Variants in ADK observed in about 807,000 individuals in gnomAD.
ADK encodes adenosine kinase, also known as N6,N6-dimethyladenosine kinase.
Under a neutral mutation model 44.7 loss-of-function variants are expected in ADK, and 24 were observed. The observed-to-expected ratio is 0.54, with a 90% confidence interval of 0.39 to 0.76. The LOEUF (loss-of-function observed/expected upper bound fraction) is 0.76, where lower values mean the gene tolerates loss of function less well. ADK is among the 30% of genes least tolerant of loss of function. ADK has a pLI of 0.00. For missense variants in ADK, 321 were observed against 425.1 expected, an observed-to-expected ratio of 0.76 and a Z score of 2.15; for synonymous variants, 128 against 142.6, an observed-to-expected ratio of 0.90 and a Z score of 0.73.
At chr10:74,393,814 T>C (rs984665212) in intron 4 of ADK, among the ~76,000 whole-genome samples, 2 of 152,178 alleles carry the variant, frequency 1.3e-5, no homozygotes, top group Non-Finnish European at 2.9e-5. Flanking sequence ...CTGCTCTTTT[T>C]ATGACAATGC....
intron 9 of ADK, among the ~76,000 whole-genome samples, chr10:74,662,367 A>G (rs961412276): frequency 3.9e-5 from 6 of 152,098 alleles, no homozygotes; most frequent in African/African-American, 1.4e-4. Flanking sequence ...TGCATCCTCA[A>G]CCACCTGGGC....
intron 4 of ADK, among the ~76,000 whole-genome samples, chr10:74,386,941 GT>G (rs10631417): frequency 9.5e-5 from 14 of 147,416 alleles, no homozygotes; most frequent in Non-Finnish European, 1.5e-4. Flanking sequence ...AGATATTTCA[GT>G]TTTTTTTTTT....
At chr10:74,595,599 A>G (rs1004988925) in intron 8 of ADK, among the ~76,000 whole-genome samples, 3 of 150,926 alleles carry the variant, frequency 2.0e-5, no homozygotes, top group African/African-American at 7.3e-5. Context: ...GATGGTCTCG[A>G]TTTCCTGACC....
chr10:74,425,434 C>A (rs536218510), intron 6 of ADK, among the ~76,000 whole-genome samples: 1 of 151,912 alleles, frequency 6.6e-6, no homozygotes, highest in Admixed American at 6.6e-5. Flanking sequence ...GACTTCGTAT[C>A]GTTAATGTAC....
intron 4 of ADK, among the ~76,000 whole-genome samples, chr10:74,358,202 A>G (rs1842208619): frequency 6.6e-6 from 1 of 152,226 alleles, no homozygotes; most frequent in South Asian, 2.1e-4. Flanking sequence ...AAATTACCTC[A>G]TATCCAAAAA....
chr10:74,625,829 T>A (rs142054424), intron 9 of ADK, among the ~76,000 whole-genome samples: 196 of 152,266 alleles, frequency 1.3e-3, no homozygotes, highest in African/African-American at 4.3e-3. Context: ...AATTCAGTCA[T>A]GGAGAAAGTT....
chr10:74,650,961 A>G (rs1482024316), intron 9 of ADK, among the ~76,000 whole-genome samples: 3 of 152,214 alleles, frequency 2.0e-5, no homozygotes, highest in Non-Finnish European at 4.4e-5. Context: ...TTTGATGGAA[A>G]ACTATTAGTT....
chr10:74,677,088 T>TA lies in ADK; in HGVS notation c.964+6826dup, dbSNP rs1255143738. Among the ~76,000 whole-genome samples the TA allele has an allele frequency of 2.0e-5, 3 of 151,842 alleles. No homozygotes were observed. The East Asian group carries it at 5.8e-4, about 29-fold the overall frequency. On this transcript the variant is annotated intron_variant, in intron 10 of 10. Transcript: ENST00000539909. ...GGCAAAACCCCATTTCTACCAAAAATAAAAAAATTAGCTGGGCATGGTGGC... is the reference window on the plus strand; with the variant it reads ...GGCAAAACCCCATTTCTACCAAAAATAAAAAAAATTAGCTGGGCATGGTGGC...
intron 9 of ADK, among the ~76,000 whole-genome samples, chr10:74,605,592 G>A (rs1303567229): frequency 1.3e-5 from 2 of 152,150 alleles, no homozygotes; most frequent in Non-Finnish European, 2.9e-5. Flanking sequence ...CAGGGATGAA[G>A]CCGACTTGAT....
intron 1 of ADK, among the ~76,000 whole-genome samples, chr10:74,158,602 T>C (rs1407397046): frequency 6.6e-6 from 1 of 152,206 alleles, no homozygotes; most frequent in Non-Finnish European, 1.5e-5. Context: ...CTACAAAATA[T>C]ATAGTGCAGT....
At chr10:74,152,099 AT>A (rs977470280) in intron 1 of ADK, among the ~76,000 whole-genome samples, 4 of 151,740 alleles carry the variant, frequency 2.6e-5, no homozygotes, top group Non-Finnish European at 5.9e-5. Context: ...AAAGGCAGCG[AT>A]TTTTTTTTCC....
intron 3 of ADK, among the ~76,000 whole-genome samples, chr10:74,270,754 A>G (rs1846399677): frequency 6.6e-6 from 1 of 152,242 alleles, no homozygotes; most frequent in African/African-American, 2.4e-5. Flanking sequence ...TCTTTTATTA[A>G]AAGACTAAGA....
intron 3 of ADK, among the ~76,000 whole-genome samples, chr10:74,243,816 C>T (rs939609470): frequency 6.6e-6 from 1 of 152,110 alleles, no homozygotes; most frequent in Non-Finnish European, 1.5e-5. Flanking sequence ...TGAGCCATCA[C>T]GCCACACTGC....
chr10:74,511,730 A>G (rs1848335183), intron 6 of ADK, among the ~76,000 whole-genome samples: 1 of 152,192 alleles, frequency 6.6e-6, no homozygotes, highest in East Asian at 1.9e-4. Context: ...AATATGTAGA[A>G]TCATTACATA....
At chr10:74,428,931 T>A (rs983118908) in intron 6 of ADK, among the ~76,000 whole-genome samples, 22 of 152,200 alleles carry the variant, frequency 1.4e-4, no homozygotes, top group Admixed American at 1.2e-3. Flanking sequence ...ATGCAGTTTC[T>A]GGCCCAGAAT....
chr10:74,311,214 A>G (rs1268403039), intron 3 of ADK, among the ~76,000 whole-genome samples: 1 of 152,200 alleles, frequency 6.6e-6, no homozygotes, highest in Non-Finnish European at 1.5e-5. Context: ...CAGTTTTCAT[A>G]AATTAGCACT....
intron 6 of ADK, among the ~76,000 whole-genome samples, chr10:74,414,816 GT>G (rs767079253): frequency 1.3e-5 from 2 of 151,856 alleles, no homozygotes; most frequent in South Asian, 2.1e-4. Context: ...TCTAATACCA[GT>G]TTTTTTTGAG....
intron 7 of ADK, among the ~76,000 whole-genome samples, chr10:74,540,031 T>C (rs761080335): frequency 5.3e-5 from 8 of 152,190 alleles, no homozygotes; most frequent in Admixed American, 1.3e-4. Context: ...TCTTACTCCT[T>C]CGTCTCCCTC....
rs1842030655 is a variant in ADK, at chr10:74,353,357, T to C, written c.273+38612T>C. Reference sequence around the variant, plus strand: ...TCATTAATAAGTGGGAGTTGAACAATGAGAACACATGGACACAGGGAATGG... The same window carrying C: ...TCATTAATAAGTGGGAGTTGAACAACGAGAACACATGGACACAGGGAATGG... On this transcript the variant is annotated intron_variant, in intron 4 of 10. Transcript: ENST00000539909. 2.0e-5 allele frequency among the ~76,000 whole-genome samples: 3 copies of C among 151,842 alleles called. No homozygotes were observed. The South Asian group carries it at 6.2e-4, about 32-fold the overall frequency.
Sources: allele counts gnomAD v4.1 joint callset (sites outside exome capture counted in the v4.1 genomes callset), GRCh38; gene constraint gnomAD v4.1.1; transcripts MANE v1.5; gene names NCBI Gene and HGNC (gene_info 2026-07-23, HGNC 2026-07-21).